ENOX1: variants seen among roughly 807,000 people sequenced by gnomAD.
ENOX1 encodes ecto-NOX disulfide-thiol exchanger 1, also known as candidate growth-related and time keeping constitutive hydroquinone (NADH) oxidase.
Under a neutral mutation model 82.5 loss-of-function variants are expected in ENOX1, and 42 were observed. That is an observed-to-expected ratio of 0.51 (90% CI 0.40 to 0.66). The LOEUF (loss-of-function observed/expected upper bound fraction) is 0.66. Among genes scored for constraint, ENOX1 ranks in the 30% least tolerant of loss-of-function variants. The pLI is 0.00. For synonymous variants in ENOX1, 271 were observed against 282.2 expected (o/e 0.96, Z 0.40); for missense variants, 608 against 811.6 (o/e 0.75, Z 3.05).
At chr13:43,571,417 G>T (rs1017653640) in intron 2 of ENOX1, among the ~76,000 whole-genome samples, 2 of 152,030 alleles carry the variant, frequency 1.3e-5, no homozygotes, top group Non-Finnish European at 2.9e-5. Context: ...GGTGGCTTAC[G>T]CCTGTAATCC....
In ENOX1 at chr13:43,495,796, C is replaced by T. The variant is rs143981861; in HGVS notation, c.-218-11644G>A. Among the ~76,000 whole-genome samples the T allele has an allele frequency of 3.8e-4, 58 of 151,794 alleles. No homozygotes were observed. The South Asian group carries it at 0.01, about 26-fold the overall frequency. On this transcript the variant is annotated intron_variant, in intron 2 of 16. Transcript: ENST00000690772. The stretch of plus-strand genomic sequence containing the variant: ...GTAATATGTTATACCCTCAGGAGCA[C>T]GGTACAAGAATTTCAGTATTACCAC...
intron 5 of ENOX1, among the ~76,000 whole-genome samples, chr13:43,373,498 C>T (rs897189238): frequency 6.6e-6 from 1 of 152,168 alleles, no homozygotes; most frequent in Non-Finnish European, 1.5e-5. Context: ...TACCCACTTT[C>T]CCCTTAAACT....
intron 12 of ENOX1, among the ~76,000 whole-genome samples, chr13:43,274,855 G>C (rs981093794): frequency 9.2e-5 from 14 of 152,178 alleles, no homozygotes; most frequent in African/African-American, 3.4e-4. Flanking sequence ...GCTCTTTGGG[G>C]ATGCAGACTT....
chr13:43,785,885 G>A (rs1952561062), intron 1 of ENOX1, among the ~76,000 whole-genome samples: 1 of 152,170 alleles, frequency 6.6e-6, no homozygotes, highest in African/African-American at 2.4e-5. Context: ...GAGGGGCCGC[G>A]TCCGTGGGAG....
chr13:43,341,094 G>A (rs900564063), intron 9 of ENOX1, among the ~76,000 whole-genome samples: 6 of 152,058 alleles, frequency 3.9e-5, no homozygotes, highest in South Asian at 2.1e-4. Flanking sequence ...TCAGGAGATC[G>A]AGACCATCCT....
At chr13:43,532,886 T>C (rs2078290930) in intron 2 of ENOX1, among the ~76,000 whole-genome samples, 1 of 150,452 alleles carries the variant, frequency 6.6e-6, no homozygotes, top group Non-Finnish European at 1.5e-5. Context: ...TATACAAATA[T>C]ATTAAATATA....
At chr13:43,293,706 C>A (rs1020960987) in intron 12 of ENOX1, among the ~76,000 whole-genome samples, 1 of 152,218 alleles carries the variant, frequency 6.6e-6, no homozygotes, top group Admixed American at 6.5e-5. Context: ...ACATGCTGAA[C>A]TTACCCAAGG....
chr13:43,719,131 C>T (rs1314176029), intron 1 of ENOX1, among the ~76,000 whole-genome samples: 1 of 152,116 alleles, frequency 6.6e-6, no homozygotes, highest in Admixed American at 6.5e-5. Flanking sequence ...TTCCCACTGG[C>T]AACCATTCCC....
intron 2 of ENOX1, among the ~76,000 whole-genome samples, chr13:43,601,294 G>A (rs555851584): frequency 1.3e-5 from 2 of 152,250 alleles, no homozygotes; most frequent in South Asian, 4.1e-4. Flanking sequence ...AGATAGCACA[G>A]AGAAGGAATT....
intron 1 of ENOX1, among the ~76,000 whole-genome samples, chr13:43,702,490 G>A (rs1009473926): frequency 7.2e-5 from 11 of 152,154 alleles, no homozygotes; most frequent in African/African-American, 2.7e-4. Flanking sequence ...CTGGAAGAAC[G>A]GGGCATGCTG....
intron 1 of ENOX1, among the ~76,000 whole-genome samples, chr13:43,762,785 T>C (rs1951056813): frequency 6.6e-6 from 1 of 152,214 alleles, no homozygotes; most frequent in Admixed American, 6.5e-5. Flanking sequence ...ATATACTTTT[T>C]AAAAAGAAAG....
chr13:43,235,625 G>A (rs1172694510), intron 15 of ENOX1, among the ~76,000 whole-genome samples: 1 of 151,730 alleles, frequency 6.6e-6, no homozygotes, highest in Non-Finnish European at 1.5e-5. Context: ...CCAGCCACTA[G>A]AGAGGCTGAG....
intron 2 of ENOX1, among the ~76,000 whole-genome samples, chr13:43,653,868 A>G (rs897995998): frequency 6.6e-6 from 1 of 152,238 alleles, no homozygotes; most frequent in African/African-American, 2.4e-5. Flanking sequence ...ACAATTTGAC[A>G]GAAAAAAAAA....
intron 2 of ENOX1, among the ~76,000 whole-genome samples, chr13:43,530,026 A>AT: frequency 6.6e-6 from 1 of 152,128 alleles, no homozygotes; most frequent in Admixed American, 6.6e-5. Context: ...CTAAAGTCAG[A>AT]TGACTCTCCT....
At chr13:43,658,353 G>C (rs1187873967) in intron 2 of ENOX1, among the ~76,000 whole-genome samples, 1 of 152,058 alleles carries the variant, frequency 6.6e-6, no homozygotes, top group Non-Finnish European at 1.5e-5. Context: ...TTTGATTTCA[G>C]GTATTATTGA....
At chr13:43,493,970 T>C (rs926749678) in intron 2 of ENOX1, among the ~76,000 whole-genome samples, 2 of 152,136 alleles carry the variant, frequency 1.3e-5, no homozygotes, top group African/African-American at 4.8e-5. Flanking sequence ...AGGCATCTTC[T>C]TCACAAGGTG....
intron 14 of ENOX1, among the ~76,000 whole-genome samples, chr13:43,261,318 T>C (rs2044044394): frequency 6.6e-6 from 1 of 152,172 alleles, no homozygotes; most frequent in African/African-American, 2.4e-5. Flanking sequence ...TAATAGATAC[T>C]ATAAGGGTGC....
chr13:43,702,927 T>TG (rs376871214), intron 1 of ENOX1, among the ~76,000 whole-genome samples: 31 of 111,428 alleles, frequency 2.8e-4, no homozygotes, highest in African/African-American at 8.7e-4. Flanking sequence ...CACTCCAGCC[T>TG]GGGCAACAAG....
At chr13:43,726,554 C>T (rs17461127) in intron 1 of ENOX1, among the ~76,000 whole-genome samples, 2,819 of 152,152 alleles carry the variant, frequency 0.019, 66 homozygotes, top group South Asian at 0.049. Flanking sequence ...ACCACTCTAT[C>T]ATCTGCATGA....
Sources: gnomAD v4.1 joint callset for allele counts (sites outside exome capture counted in the v4.1 genomes callset) on GRCh38, gnomAD v4.1.1 for gene constraint, MANE v1.5 for transcripts, NCBI Gene and HGNC (gene_info 2026-07-23, HGNC 2026-07-21) for gene names.